The following CACNA1B variants were observed in gnomAD, a reference collection of about 807,000 sequenced individuals.
The protein encoded by CACNA1B is voltage-dependent N-type calcium channel subunit alpha-1B.
Under a neutral mutation model 247.2 loss-of-function variants are expected in CACNA1B, and 70 were observed. That is an observed-to-expected ratio of 0.28 (90% CI 0.23 to 0.35). The LOEUF (loss-of-function observed/expected upper bound fraction) is 0.35. Ranked by LOEUF, CACNA1B falls within the 10% of genes least tolerant of loss-of-function variation. CACNA1B has a pLI of 1.00. For synonymous variants in CACNA1B, 1,231 were observed against 1,294.4 expected (o/e 0.95, Z 1.05); for missense variants, 2,367 against 3,197.4 (o/e 0.74, Z 6.26).
rs4876892 is a variant in CACNA1B, at chr9:137,884,966, C to G, written c.530+2083C>G. On this transcript the variant is annotated intron_variant, in intron 3 of 46. Coordinates refer to ENST00000371372, the MANE Select transcript of CACNA1B (RefSeq NM_000718.4). ...CCCTCCTCTCCCCTCTTCCCCCCCC[C>G]CCTCCTCCCACTTTGCCTGTCTAGC... Among the ~76,000 whole-genome samples the G allele has an allele frequency of 8.4e-5, 9 of 107,670 alleles. 1 individual carries two copies. Among genetic ancestry groups the G allele is most frequent in the Non-Finnish European group, 1.6e-4 (8 of 50,174 alleles). 70.6% of individuals were successfully genotyped at this position (107,670 alleles called of 152,430 possible). A position where few individuals can be genotyped will look rare whatever the true frequency, so the allele number is the denominator to read the frequency against.
At chr9:137,928,866 A>G (rs778763718) in intron 6 of CACNA1B, among the ~76,000 whole-genome samples, 20 of 152,190 alleles carry the variant, frequency 1.3e-4, no homozygotes, top group Non-Finnish European at 2.8e-4. Context: ...TTTTATATAA[A>G]TGGAATCATA....
intron 6 of CACNA1B, among the ~76,000 whole-genome samples, chr9:137,949,264 T>A (rs796220517): frequency 8.8e-6 from 1 of 113,696 alleles, no homozygotes; most frequent in Non-Finnish European, 1.9e-5. Flanking sequence ...GTGGTGCGTG[T>A]GTGTGTCTGG....
intron 11 of CACNA1B, among the ~76,000 whole-genome samples, chr9:137,972,021 G>T (rs987255826): frequency 1.3e-5 from 2 of 152,160 alleles, no homozygotes; most frequent in African/African-American, 2.4e-5. Flanking sequence ...TTCTGCCCCG[G>T]GTTCCTGAGG....
chr9:137,991,364 C>T (rs1043855947), intron 15 of CACNA1B, among the ~76,000 whole-genome samples: 24 of 152,098 alleles, frequency 1.6e-4, no homozygotes, highest in Non-Finnish European at 7.4e-5. Context: ...TTGAATTAAC[C>T]CTATCCATCA....
chr9:137,878,404 G>A (rs1056326267), intron 1 of CACNA1B, among the ~76,000 whole-genome samples, 187 bp downstream of exon 1: 1 of 152,064 alleles, frequency 6.6e-6, no homozygotes, highest in Non-Finnish European at 1.5e-5. Flanking sequence ...GAGTGCGGCG[G>A]GCGCGGGGCG....
intron 6 of CACNA1B, among the ~76,000 whole-genome samples, chr9:137,944,391 T>C (rs1957769552): frequency 6.6e-6 from 1 of 152,202 alleles, no homozygotes; most frequent in African/African-American, 2.4e-5. Flanking sequence ...ATTCTCTTTC[T>C]CTTCCTCCAA....
intron 37 of CACNA1B, among the ~76,000 whole-genome samples, chr9:138,099,301 ATGT>A (rs1961166374): frequency 6.6e-6 from 1 of 152,016 alleles, no homozygotes; most frequent in African/African-American, 2.4e-5. Context: ...ACGTGTGTGC[ATGT>A]TGACGTTTGT....
At chr9:138,016,476 T>C (rs1215352942) in intron 18 of CACNA1B, among the ~76,000 whole-genome samples, 1 of 152,236 alleles carries the variant, frequency 6.6e-6, no homozygotes, top group African/African-American at 2.4e-5. Flanking sequence ...CCTGGAGGTG[T>C]CCTGGTGGCC....
At chr9:137,923,403 C>T (rs1467403622) in intron 6 of CACNA1B, among the ~76,000 whole-genome samples, 1 of 149,654 alleles carries the variant, frequency 6.7e-6, no homozygotes, top group African/African-American at 2.5e-5. Flanking sequence ...TTCCGTGGTG[C>T]CAGGTAGTAT....
intron 40 of CACNA1B, among the ~76,000 whole-genome samples, chr9:138,113,580 C>T (rs1290626655): frequency 5.1e-4 from 35 of 68,858 alleles, no homozygotes; most frequent in Admixed American, 1.9e-3. Context: ...CTGCATCTTG[C>T]GGGAGACGTG....
intron 6 of CACNA1B, among the ~76,000 whole-genome samples, chr9:137,926,270 A>G (rs1323081707): frequency 6.6e-6 from 1 of 151,672 alleles, no homozygotes; most frequent in Non-Finnish European, 1.5e-5. Flanking sequence ...GGGTTTCACT[A>G]TCTTGGCCAG....
rs957989039 is a variant in CACNA1B, at chr9:137,971,138, G to T, written c.1334-245G>T. 1.3e-5 allele frequency among the ~76,000 whole-genome samples: 2 copies of T among 152,182 alleles called. No homozygotes were observed. Among genetic ancestry groups the T allele is most frequent in the South Asian group, 4.1e-4 (2 of 4,832 alleles). ...GTGGCTGGGGATGCTGGGGACCAGA[G>T]AAGTGAGTACAGATCATCCACTTCA... On this transcript the variant is annotated intron_variant, in intron 10 of 46. Transcript: ENST00000371372. The surrounding 1 kb of genome is among the most constrained non-coding windows in gnomAD (Gnocchi z 4.4).
At chr9:137,921,590 C>A (rs1350535691) in intron 6 of CACNA1B, among the ~76,000 whole-genome samples, 1 of 144,166 alleles carries the variant, frequency 6.9e-6, no homozygotes, top group African/African-American at 2.6e-5. Context: ...ACATGATCAA[C>A]ACCACGACCG....
Position 138,057,994 on chromosome 9 carries a change from C to G in CACNA1B, c.4107-55C>G. 2 of 1,574,000 alleles carry G rather than the reference C, an allele frequency of 1.3e-6. No homozygotes were observed. Reference sequence around the variant, plus strand: ...ACCCTTGTGGTGCAGGTCTTGAGTTCTTAGGGCTGTCTCCTTTGGGGGTTC... The same window carrying G: ...ACCCTTGTGGTGCAGGTCTTGAGTTGTTAGGGCTGTCTCCTTTGGGGGTTC... On this transcript the variant is annotated intron_variant, in intron 27 of 46. Transcript: ENST00000371372. This position sits in a 1 kb window ranked among gnomAD's most constrained non-coding sequence, Gnocchi z 4.0.
At chr9:138,075,777 C>G (rs760270510) in intron 34 of CACNA1B, 42 bp from the exon 35 acceptor site, 1 of 1,375,168 alleles carries the variant, frequency 7.3e-7, no homozygotes, top group Non-Finnish European at 1.0e-6. Context: ...GCGGCTCCTG[C>G]AGACCCAGCA....
At position 137,899,947 on chromosome 9, in the gene CACNA1B, G is replaced by A. The variant is rs563522597; in HGVS notation, c.531-13233G>A. 6.6e-6 allele frequency among the ~76,000 whole-genome samples: 1 copy of A among 152,196 alleles called. No homozygotes were observed. Among genetic ancestry groups the A allele is most frequent in the Non-Finnish European group, 1.5e-5 (1 of 68,026 alleles). ...GTAGGGCTCTGTGCCACAGGGACGG[G>A]GTACAGGGGCTGGCCAGCGTGGGCC... On this transcript the variant is annotated intron_variant, in intron 3 of 46. Coordinates refer to ENST00000371372, the MANE Select transcript of CACNA1B (RefSeq NM_000718.4). This position sits in a 1 kb window ranked among gnomAD's most constrained non-coding sequence, Gnocchi z 5.0.
Position 138,023,666 on chromosome 9 carries a change from C to A in CACNA1B, c.2923C>A (p.Pro975Thr). Residue 975 changes from proline to threonine, a missense_variant, in exon 19 of 47, where the codon CCG becomes ACG. Physicochemically the swap from Pro to Thr is conservative, Grantham distance 38 (BLOSUM62 -1). Coordinates refer to ENST00000371372, the MANE Select transcript of CACNA1B (RefSeq NM_000718.4). ...GPREAESGEE[P>T]ARRHRARHKA... ...CCGGGAGGCGGAGAGCGGGGAGGAG[C>A]CGGCGCGGCGGCACCGGGCCCGGCA... The A allele has an allele frequency of 1.0e-5, 15 of 1,491,708 alleles. No homozygotes were observed. Among genetic ancestry groups the A allele is most frequent in the Non-Finnish European group, 1.3e-5 (15 of 1,118,832 alleles). The allele number at this position is 1,491,708 out of a possible 1,614,324, so 92.4% of individuals were successfully genotyped here.
chr9:137,898,783 G>A (rs1004902897), intron 3 of CACNA1B, among the ~76,000 whole-genome samples: 5 of 151,140 alleles, frequency 3.3e-5, no homozygotes, highest in Non-Finnish European at 5.9e-5. Flanking sequence ...CTGGGTTCAC[G>A]CCATTCTCCT....
At chr9:138,069,022 C>G (rs979603717) in intron 31 of CACNA1B, among the ~76,000 whole-genome samples, 1 of 152,214 alleles carries the variant, frequency 6.6e-6, no homozygotes, top group Non-Finnish European at 1.5e-5. Context: ...ACCCTGGACA[C>G]CCAGCAGGTT....
Sources: gnomAD v4.1 joint callset for allele counts (sites outside exome capture counted in the v4.1 genomes callset) on GRCh38, gnomAD v4.1.1 for gene constraint, Gnocchi (gnomAD v3.1) non-coding constraint, MANE v1.5 for transcripts, NCBI Gene and HGNC (gene_info 2026-07-23, HGNC 2026-07-21) for gene names.